The following NXPE2 variants were observed in gnomAD, a reference collection of about 807,000 sequenced individuals.
NXPE2 encodes NXPE family member 2.
NXPE2 carries 34 observed loss-of-function variants against 34.4 expected under a neutral mutation model. The observed-to-expected ratio is 0.99, with a 90% CI of 0.75 to 1.31. NXPE2 has a LOEUF of 1.31. NXPE2 is among the 40% of genes most tolerant of loss of function. NXPE2 has a pLI of 0.00. For missense variants in NXPE2, 649 were observed against 672.5 expected (o/e 0.97, Z 0.39); for synonymous variants, 235 against 231.3 (o/e 1.02, Z -0.15).
chr11:114,589,710 A>G, the NXPE2 span, among the ~76,000 whole-genome samples: 1 of 152,252 alleles, frequency 6.6e-6, no homozygotes, highest in South Asian at 2.1e-4. Context: ...TATCCTAATG[A>G]TCCCACTTTT....
chr11:114,550,985 A>G, the NXPE2 span: 1 of 611,832 alleles, frequency 1.6e-6, no homozygotes, highest in Non-Finnish European at 2.9e-6. Context: ...GAGAGAAGAT[A>G]GGGCAGTAGT....
chr11:114,784,862 T>C, the NXPE2 span, among the ~76,000 whole-genome samples: 1 of 152,152 alleles, frequency 6.6e-6, no homozygotes, highest in Non-Finnish European at 1.5e-5. Flanking sequence ...ATTTGAAGCT[T>C]TTATTTCGTG....
At chr11:114,600,838 T>A in the NXPE2 span, among the ~76,000 whole-genome samples, 10 of 152,108 alleles carry the variant, frequency 6.6e-5, no homozygotes, top group African/African-American at 2.4e-4. Context: ...ATGAGAATCC[T>A]CTATACTATT....
chr11:114,487,701 GT>G, the NXPE2 span, among the ~76,000 whole-genome samples: 1 of 151,962 alleles, frequency 6.6e-6, no homozygotes, highest in African/African-American at 2.4e-5. Flanking sequence ...TCTATACCCA[GT>G]TTTTTTAAGG....
At chr11:114,609,400 G>T in the NXPE2 span, among the ~76,000 whole-genome samples, 4 of 151,666 alleles carry the variant, frequency 2.6e-5, no homozygotes, top group East Asian at 5.8e-4. Context: ...TGCATCGCTG[G>T]TAACCACTGT....
At chr11:114,784,773 A>G in the NXPE2 span, among the ~76,000 whole-genome samples, 2 of 152,198 alleles carry the variant, frequency 1.3e-5, no homozygotes, top group African/African-American at 4.8e-5. Flanking sequence ...AGATACCGCC[A>G]AATAGTGCAG....
At chr11:114,713,839 C>T in the NXPE2 span, among the ~76,000 whole-genome samples, 1 of 152,216 alleles carries the variant, frequency 6.6e-6, no homozygotes, top group Admixed American at 6.5e-5. Context: ...TCCCAATCTT[C>T]TTTTCCAGTC....
chr11:114,626,004 G>A, the NXPE2 span, among the ~76,000 whole-genome samples: 8 of 152,324 alleles, frequency 5.3e-5, no homozygotes, highest in South Asian at 2.1e-4. Flanking sequence ...ATTATATCCC[G>A]CATTTGGCTC....
chr11:114,587,185 A>G, the NXPE2 span, among the ~76,000 whole-genome samples: 2 of 152,176 alleles, frequency 1.3e-5, no homozygotes, highest in African/African-American at 4.8e-5. Context: ...GTCTTCAACA[A>G]TGAGGGGAAA....
At chr11:114,808,044 C>G in the NXPE2 span, among the ~76,000 whole-genome samples, 2 of 152,206 alleles carry the variant, frequency 1.3e-5, no homozygotes, top group African/African-American at 2.4e-5. Context: ...GAAACTCACT[C>G]AAAACTGCTC....
At chr11:114,607,246 G>A in the NXPE2 span, among the ~76,000 whole-genome samples, 2 of 151,838 alleles carry the variant, frequency 1.3e-5, no homozygotes, top group African/African-American at 4.8e-5. Flanking sequence ...GTTACCTGGT[G>A]GATAATACGT....
At chr11:114,745,075 A>G in the NXPE2 span, among the ~76,000 whole-genome samples, 1 of 152,168 alleles carries the variant, frequency 6.6e-6, no homozygotes, top group African/African-American at 2.4e-5. Context: ...AAGAATAATA[A>G]AAACATTATT....
the NXPE2 span, among the ~76,000 whole-genome samples, chr11:114,745,304 G>C: frequency 3.3e-5 from 5 of 152,094 alleles, no homozygotes; most frequent in Non-Finnish European, 1.5e-5. Context: ...TTCCACTCAG[G>C]GTGGAAGGCA....
At chr11:114,756,993 C>T in the NXPE2 span, among the ~76,000 whole-genome samples, 1 of 152,092 alleles carries the variant, frequency 6.6e-6, no homozygotes, top group African/African-American at 2.4e-5. Flanking sequence ...CATGATGTTT[C>T]TCTCTTCTGT....
chr11:114,468,841 C>T, the NXPE2 span, among the ~76,000 whole-genome samples: 3 of 152,112 alleles, frequency 2.0e-5, no homozygotes, highest in African/African-American at 7.2e-5. Flanking sequence ...AGTAACTTGC[C>T]CAGTTCATAT....
chr11:114,594,800 A>C, the NXPE2 span: 1 of 1,118,220 alleles, frequency 8.9e-7, no homozygotes, highest in African/African-American at 1.6e-5. Context: ...ACAAGCACAA[A>C]AACATACAAC....
At chr11:114,572,590 T>C in the NXPE2 span, among the ~76,000 whole-genome samples, 1 of 151,888 alleles carries the variant, frequency 6.6e-6, no homozygotes, top group Non-Finnish European at 1.5e-5. Flanking sequence ...TTCTCAGCAA[T>C]AGAATTGAAC....
At chr11:114,557,648 TATATATATATATATATATATATATAA>T in the NXPE2 span, among the ~76,000 whole-genome samples, 11 of 47,324 alleles carry the variant, frequency 2.3e-4, no homozygotes, top group Admixed American at 1.8e-3. Flanking sequence ...TATATATATA[TATATATATATATATATATATATATAA>T]AATCCTTGTT....
At chr11:114,680,219 T>G (rs1950926220) in intron 2 of NXPE2, among the ~76,000 whole-genome samples, 1 of 152,162 alleles carries the variant, frequency 6.6e-6, no homozygotes, top group South Asian at 2.1e-4. Context: ...TTCCCAACCA[T>G]TTAGTACAAA....
Sources: gnomAD v4.1 joint callset for allele counts (sites outside exome capture counted in the v4.1 genomes callset) on GRCh38, gnomAD v4.1.1 for gene constraint, MANE v1.5 for transcripts, NCBI Gene and HGNC (gene_info 2026-07-23, HGNC 2026-07-21) for gene names.